The following FBXL13 variants were observed in gnomAD, a reference collection of about 807,000 sequenced individuals.
The protein encoded by FBXL13 is F-box and leucine-rich repeat protein 13.
A neutral mutation model predicts 83.6 loss-of-function variants in FBXL13; 67 were observed. The observed-to-expected ratio is 0.80, with a 90% CI of 0.66 to 0.98. The LOEUF is 0.98. Ranked by LOEUF, FBXL13 falls within the 50% of genes least tolerant of loss-of-function variation. The pLI is 0.00. For missense variants in FBXL13, 822 were observed against 866.5 expected (o/e 0.95, Z 0.64); for synonymous variants, 272 against 299.5 (o/e 0.91, Z 0.95).
intron 6 of FBXL13, chr7:102,978,494 C>A: frequency 6.5e-6 from 1 of 154,936 alleles, no homozygotes; most frequent in Non-Finnish European, 1.4e-5. Flanking sequence ...ACACGTACCC[C>A]TGAAGATTGA....
chr7:102,826,708 G>C, intron 18 of FBXL13, among the ~76,000 whole-genome samples: 1 of 127,832 alleles, frequency 7.8e-6, no homozygotes, highest in Non-Finnish European at 1.6e-5. Context: ...CTGGGAGACA[G>C]AGTGAGACCC....
chr7:103,066,813 T>A (rs924944390), intron 1 of FBXL13, among the ~76,000 whole-genome samples: 2 of 149,150 alleles, frequency 1.3e-5, no homozygotes, highest in Non-Finnish European at 3.0e-5. Context: ...TTTTTTGAGA[T>A]GGAGTTTCGC....
chr7:102,901,767 T>C (rs975879853), intron 11 of FBXL13, among the ~76,000 whole-genome samples: 1 of 152,260 alleles, frequency 6.6e-6, no homozygotes, highest in Non-Finnish European at 1.5e-5. Context: ...CTGGATCTCA[T>C]GCTTTTTTAT....
intron 6 of FBXL13, chr7:102,976,323 T>A (rs1203960739): frequency 4.7e-6 from 3 of 635,012 alleles, no homozygotes; most frequent in Non-Finnish European, 8.4e-6. Flanking sequence ...AAGTCTCTAT[T>A]GTGGAAATTG....
chr7:102,853,439 C>G (rs1042055031), intron 17 of FBXL13, among the ~76,000 whole-genome samples: 4 of 152,146 alleles, frequency 2.6e-5, no homozygotes, highest in Non-Finnish European at 2.9e-5. Context: ...CTAGGCATTA[C>G]CATTCAGGAC....
intron 1 of FBXL13, among the ~76,000 whole-genome samples, chr7:103,072,930 G>A (rs1469387184): frequency 1.3e-5 from 2 of 152,148 alleles, no homozygotes; most frequent in African/African-American, 4.8e-5. Context: ...TATCCCAGAC[G>A]AAGTCAACTT....
intron 6 of FBXL13, among the ~76,000 whole-genome samples, chr7:103,024,214 T>C (rs1384835318): frequency 6.9e-6 from 1 of 144,356 alleles, no homozygotes; most frequent in Non-Finnish European, 1.5e-5. Flanking sequence ...TGACAGACTT[T>C]ATTACATAAA....
At chr7:103,018,643 T>G (rs1487472524) in intron 6 of FBXL13, among the ~76,000 whole-genome samples, 2 of 150,716 alleles carry the variant, frequency 1.3e-5, no homozygotes, top group African/African-American at 4.9e-5. Context: ...ACCAAGCAAA[T>G]GGAAAACAAA....
At chr7:103,049,678 T>C (rs926885716) in intron 2 of FBXL13, among the ~76,000 whole-genome samples, 1 of 152,232 alleles carries the variant, frequency 6.6e-6, no homozygotes, top group African/African-American at 2.4e-5. Flanking sequence ...AGTCCCAGGC[T>C]GTGAGAGCTT....
intron 2 of FBXL13, among the ~76,000 whole-genome samples, chr7:103,051,449 T>C (rs1796804959): frequency 6.6e-6 from 1 of 152,082 alleles, no homozygotes; most frequent in Non-Finnish European, 1.5e-5. Context: ...CACAAATCCA[T>C]GGAGCTCTGA....
At chr7:103,067,334 A>G (rs557795414) in intron 1 of FBXL13, among the ~76,000 whole-genome samples, 1 of 152,134 alleles carries the variant, frequency 6.6e-6, no homozygotes, top group Non-Finnish European at 1.5e-5. Context: ...CGTATTTGAA[A>G]GTGATCATAA....
At chr7:103,007,764 G>A (rs1361624062) in intron 6 of FBXL13, among the ~76,000 whole-genome samples, 1 of 152,008 alleles carries the variant, frequency 6.6e-6, no homozygotes, top group Non-Finnish European at 1.5e-5. Flanking sequence ...ACATTCTACA[G>A]TCATTAGATT....
chr7:102,889,568 C>A (rs1811255141), intron 11 of FBXL13, among the ~76,000 whole-genome samples: 2 of 152,182 alleles, frequency 1.3e-5, no homozygotes, highest in African/African-American at 4.8e-5. Context: ...CCCAGTCCCC[C>A]ACCCTCTGAC....
chr7:102,812,075 A>G (rs1038411058), downstream of FBXL13, among the ~76,000 whole-genome samples: 9 of 152,224 alleles, frequency 5.9e-5, no homozygotes, highest in Admixed American at 2.6e-4. Flanking sequence ...CACGTGAGAG[A>G]TAAGTAATTG....
chr7:103,073,437 G>A (rs1459178515), intron 1 of FBXL13, among the ~76,000 whole-genome samples: 2 of 152,078 alleles, frequency 1.3e-5, no homozygotes, highest in African/African-American at 4.8e-5. Context: ...GAGCTAGGAT[G>A]GAGCCACTAC....
intron 6 of FBXL13, among the ~76,000 whole-genome samples, chr7:102,997,554 C>A (rs543067364): frequency 6.6e-6 from 1 of 152,256 alleles, no homozygotes; most frequent in Admixed American, 6.5e-5. Flanking sequence ...CATTAACTAA[C>A]CACTCTCTAT....
intron 19 of FBXL13, among the ~76,000 whole-genome samples, chr7:102,817,078 G>A (rs147716351): frequency 9.2e-5 from 14 of 152,270 alleles, no homozygotes; most frequent in African/African-American, 3.1e-4. Flanking sequence ...TACAACTGCA[G>A]GTGTCTTTTT....
chr7:102,973,390 C>T lies in FBXL13; in HGVS notation c.496-5273G>A, dbSNP rs544564432. ...CCGGAAGACACGTACCCCTGAAGAT[C>T]GAGAAACAGGCCATCTGGGTACCAC... On this transcript the variant is annotated intron_variant, in intron 6 of 19. Coordinates refer to ENST00000313221, the Ensembl canonical transcript of FBXL13. The T allele has an allele frequency of 1.2e-5, 8 of 687,750 alleles. No homozygotes were observed. In the East Asian group the frequency reaches 1.7e-4, roughly 14 times the overall value. The allele number at this position is 687,750 out of a possible 1,614,324, so 42.6% of individuals were successfully genotyped here. A position where few individuals can be genotyped will look rare whatever the true frequency, so the allele number is the denominator to read the frequency against.
intron 2 of FBXL13, among the ~76,000 whole-genome samples, chr7:103,051,802 T>C (rs1248001970): frequency 6.6e-6 from 1 of 152,218 alleles, no homozygotes; most frequent in African/African-American, 2.4e-5. Context: ...ACAGCTGGAT[T>C]GGTTACAGAT....
Sources: allele counts gnomAD v4.1 joint callset (sites outside exome capture counted in the v4.1 genomes callset), GRCh38; gene constraint gnomAD v4.1.1; transcripts MANE v1.5; gene names NCBI Gene and HGNC (gene_info 2026-07-23, HGNC 2026-07-21).